PHACTR2: variants seen among roughly 807,000 people sequenced by gnomAD.
The protein encoded by PHACTR2 is phosphatase and actin regulator 2.
PHACTR2 carries 30 observed loss-of-function variants against 76.0 expected under a neutral mutation model. The ratio of observed to expected loss-of-function variants is 0.39; its 90% CI spans 0.30 to 0.54. The LOEUF (loss-of-function observed/expected upper bound fraction) is 0.54, where lower values mean the gene tolerates loss of function less well. Among genes scored for constraint, PHACTR2 ranks in the 20% least tolerant of loss-of-function variants. The pLI is 0.61. For synonymous variants in PHACTR2, 292 were observed against 292.5 expected, an observed-to-expected ratio of 1.00 and a Z score of 0.02; for missense variants, 696 against 781.1, an observed-to-expected ratio of 0.89 and a Z score of 1.30.
At chr6:143,769,225 C>T (rs968185120) in intron 6 of PHACTR2, among the ~76,000 whole-genome samples, 2 of 152,154 alleles carry the variant, frequency 1.3e-5, no homozygotes, top group African/African-American at 2.4e-5. Flanking sequence ...ATCAGTAACA[C>T]ATATGTGTGA....
In PHACTR2 at chr6:143,821,936, G is replaced by A. The variant is rs1776427222; in HGVS notation, c.1923-1738G>A. On this transcript the variant is annotated intron_variant, in intron 12 of 12. Coordinates refer to ENST00000440869, the MANE Select transcript of PHACTR2 (RefSeq NM_001100164.2). The surrounding 1 kb of genome is among the most constrained non-coding windows in gnomAD (Gnocchi z 5.2). ...GCCCAGGAGGTTGAAGCTGCAGTGA[G>A]CTGAGATCGCACCACTGCACTCCAG... is the stretch of plus-strand genomic sequence containing the variant. Among the ~76,000 whole-genome samples, 1 of 152,194 alleles carries A rather than the reference G, an allele frequency of 6.6e-6. No individual in the cohort carries two copies. Among genetic ancestry groups the A allele is most frequent in the Non-Finnish European group, 1.5e-5 (1 of 68,026 alleles).
chr6:143,714,878 G>A (rs144161226), intron 2 of PHACTR2, among the ~76,000 whole-genome samples: 2 of 151,922 alleles, frequency 1.3e-5, no homozygotes, highest in East Asian at 3.9e-4. Context: ...ATTTGATTTG[G>A]TGGGAGGTGA....
Position 143,829,955 on chromosome 6 carries a change from G to A in PHACTR2, c.*6266G>A, listed in dbSNP as rs1309975087. The A allele has an allele frequency of 6.6e-6, 1 of 152,100 alleles. No homozygotes were observed. Among genetic ancestry groups the A allele is most frequent in the African/African-American group, 2.4e-5 (1 of 41,418 alleles). 9.4% of individuals were successfully genotyped at this position (152,100 alleles called of 1,614,324 possible). ...AATTTTATGGTATATGAAAATGCCA[G>A]TAATATTTGTGCCACTTGCCAACTC... is the stretch of plus-strand genomic sequence containing the variant. On this transcript the variant is annotated 3_prime_UTR_variant, in exon 13 of 13. Coordinates refer to ENST00000440869, the MANE Select transcript of PHACTR2 (RefSeq NM_001100164.2).
intron 1 of PHACTR2, among the ~76,000 whole-genome samples, chr6:143,704,813 T>A (rs1405141941): frequency 2.6e-5 from 4 of 152,172 alleles, no homozygotes; most frequent in Admixed American, 6.6e-5. Flanking sequence ...TTGTTTTGAA[T>A]GACCTTGGCA....
chr6:143,688,960 A>G lies in PHACTR2; in HGVS notation c.46+10751A>G, dbSNP rs911519568. Among the ~76,000 whole-genome samples, 1 of 152,330 alleles carries G rather than the reference A, an allele frequency of 6.6e-6. No homozygotes were observed. The highest frequency in any genetic ancestry group is 2.4e-5 in the African/African-American group (1 of 41,582). On this transcript the variant is annotated intron_variant, in intron 1 of 12. Transcript: ENST00000440869. This position sits in a 1 kb window ranked among gnomAD's most constrained non-coding sequence, Gnocchi z 5.2. ...GGCCCTCGAGGCTCTACATGAGCCTATATGATCCCTGCCCACCTCTCTGAC... is the reference window on the plus strand; with the variant it reads ...GGCCCTCGAGGCTCTACATGAGCCTGTATGATCCCTGCCCACCTCTCTGAC...
upstream of PHACTR2, among the ~76,000 whole-genome samples, chr6:143,674,102 T>TA (rs2087559425): frequency 6.6e-6 from 1 of 152,220 alleles, no homozygotes; most frequent in Non-Finnish European, 1.5e-5. The surrounding 1 kb of genome is among the most constrained non-coding windows in gnomAD (Gnocchi z 4.9). Context: ...TCAGAATTGT[T>TA]AAAATCTAAG....
chr6:143,655,174 A>G (rs13210915), intron 1 of PHACTR2, among the ~76,000 whole-genome samples: 4 of 149,190 alleles, frequency 2.7e-5, no homozygotes, highest in Non-Finnish European at 4.5e-5. Context: ...AAAAAAAAAA[A>G]GAAAAAGAAA....
In PHACTR2 at chr6:143,583,643, T is replaced by C. The variant is rs1409105010; in HGVS notation, c.217+46436T>C. Among the ~76,000 whole-genome samples, 1 of 152,280 alleles carries C rather than the reference T, an allele frequency of 6.6e-6. No homozygotes were observed. The highest frequency in any genetic ancestry group is 6.5e-5 in the Admixed American group (1 of 15,290). ...GAGACTGTAGATATTATGTGCCTAA[T>C]ACTGTAATTTTCCCAGAACTGATAG... is the stretch of plus-strand genomic sequence containing the variant. On this transcript the variant is annotated intron_variant, in intron 1 of 11. Coordinates refer to the PHACTR2 transcript ENST00000367584. This position sits in a 1 kb window ranked among gnomAD's most constrained non-coding sequence, Gnocchi z 4.0.
At position 143,789,773 on chromosome 6, in the gene PHACTR2, A is replaced by G. The variant is rs13209221; in HGVS notation, c.1845+863A>G. Among the ~76,000 whole-genome samples, 3 of 152,178 alleles carry G rather than the reference A, an allele frequency of 2.0e-5. No homozygotes were observed. Among genetic ancestry groups the G allele is most frequent in the African/African-American group, 7.2e-5 (3 of 41,446 alleles). ...CTGACTCTTTTTAATAGGAAGCTTCATTATTTAAAATACCTGCTATGCATC... is the reference window on the plus strand; with the variant it reads ...CTGACTCTTTTTAATAGGAAGCTTCGTTATTTAAAATACCTGCTATGCATC... On this transcript the variant is annotated intron_variant, in intron 11 of 12. Coordinates refer to ENST00000440869, the MANE Select transcript of PHACTR2 (RefSeq NM_001100164.2). This position sits in a 1 kb window ranked among gnomAD's most constrained non-coding sequence, Gnocchi z 5.1.
intron 9 of PHACTR2, among the ~76,000 whole-genome samples, chr6:143,778,741 T>TA (rs971139337): frequency 6.6e-6 from 1 of 152,128 alleles, no homozygotes; most frequent in Non-Finnish European, 1.5e-5. Context: ...CCTACGCTCC[T>TA]AAAAAACACA....
rs549078456 is a variant in PHACTR2, at chr6:143,795,834, A to G, written c.1845+6924A>G. On this transcript the variant is annotated intron_variant, in intron 11 of 12. Transcript: ENST00000440869. The surrounding 1 kb of genome is among the most constrained non-coding windows in gnomAD (Gnocchi z 4.8). ...AATATCTCTAGAATTCCTGCTTGTC[A>G]ATAAATGGTAGCTATTACCAATATT... is the stretch of plus-strand genomic sequence containing the variant. Among the ~76,000 whole-genome samples, 1 of 152,358 alleles carries G rather than the reference A, an allele frequency of 6.6e-6. No homozygotes were observed. The highest frequency in any genetic ancestry group is 2.1e-4 in the South Asian group (1 of 4,834).
chr6:143,593,301 G>A (rs1367458044), intron 1 of PHACTR2, among the ~76,000 whole-genome samples: 2 of 149,460 alleles, frequency 1.3e-5, no homozygotes, highest in Non-Finnish European at 3.0e-5. Context: ...GTGTTAGGGT[G>A]ATGGAAGGTC....
In PHACTR2 at chr6:143,620,163, T is replaced by C. The variant is rs75215483; in HGVS notation, c.13+11841T>C. Among the ~76,000 whole-genome samples, 999 of 152,324 alleles carry C rather than the reference T, an allele frequency of 6.6e-3. 22 individuals carry two copies. In the East Asian group the frequency reaches 0.091, roughly 14 times the overall value. Reference sequence around the variant, plus strand: ...ACTTCGTGGAAAACCAGGAGCTCTGTAGCATACATTTAGAATAAAGCTCCA... The same window carrying C: ...ACTTCGTGGAAAACCAGGAGCTCTGCAGCATACATTTAGAATAAAGCTCCA... On this transcript the variant is annotated intron_variant, in intron 1 of 11. Transcript: ENST00000305766.
rs915822736 is a variant in PHACTR2, at chr6:143,696,626, T to C, written c.47-15390T>C. Among the ~76,000 whole-genome samples, 2 of 152,238 alleles carry C rather than the reference T, an allele frequency of 1.3e-5. No homozygotes were observed. The highest frequency in any genetic ancestry group is 2.9e-5 in the Non-Finnish European group (2 of 68,036). On this transcript the variant is annotated intron_variant, in intron 1 of 12. Coordinates refer to ENST00000440869, the MANE Select transcript of PHACTR2 (RefSeq NM_001100164.2). The surrounding 1 kb of genome is among the most constrained non-coding windows in gnomAD (Gnocchi z 4.1). Reference sequence around the variant, plus strand: ...GAACAGATTATTACATTCAGATCTTTCTGGCACTGGAAGCCCATGTTTTTC... The same window carrying C: ...GAACAGATTATTACATTCAGATCTTCCTGGCACTGGAAGCCCATGTTTTTC...
At chr6:143,814,737 G>C (rs1776262748) in intron 12 of PHACTR2, among the ~76,000 whole-genome samples, 1 of 151,644 alleles carries the variant, frequency 6.6e-6, no homozygotes, top group South Asian at 2.1e-4. Context: ...CAAATAGCTG[G>C]GACTACAGGC....
chr6:143,732,980 C>G (rs1207065972), intron 2 of PHACTR2, among the ~76,000 whole-genome samples: 1 of 152,150 alleles, frequency 6.6e-6, no homozygotes, highest in East Asian at 1.9e-4. Flanking sequence ...CCTCTAACTC[C>G]TGGGCTCAAA....
chr6:143,692,343 G>A (rs774064793), intron 1 of PHACTR2, among the ~76,000 whole-genome samples: 6 of 152,154 alleles, frequency 3.9e-5, no homozygotes, highest in Admixed American at 6.5e-5. Context: ...TGAAAGAGCC[G>A]GGTGAGAATG....
chr6:143,660,568 G>T (rs145700144), intron 1 of PHACTR2, among the ~76,000 whole-genome samples: 659 of 152,266 alleles, frequency 4.3e-3, no homozygotes, highest in Middle Eastern at 6.8e-3. Flanking sequence ...TATTGATACG[G>T]ATCAGGTTCA....
rs905256877 is a variant in PHACTR2, at chr6:143,776,147, A to C, written c.1590-1181A>C. On this transcript the variant is annotated intron_variant, in intron 8 of 12. Transcript: ENST00000440869. This position sits in a 1 kb window ranked among gnomAD's most constrained non-coding sequence, Gnocchi z 5.3. ...AAAAAATGTAAAAATAAATTTAAAAAATATATACTAAATATCTTACTATAG... is the reference window on the plus strand; with the variant it reads ...AAAAAATGTAAAAATAAATTTAAAACATATATACTAAATATCTTACTATAG... Among the ~76,000 whole-genome samples, 11 of 152,234 alleles carry C rather than the reference A, an allele frequency of 7.2e-5. No individual in the cohort carries two copies. In the South Asian group the frequency reaches 2.3e-3, roughly 32 times the overall value.
Sources: gnomAD v4.1 joint callset for allele counts (sites outside exome capture counted in the v4.1 genomes callset) on GRCh38, gnomAD v4.1.1 for gene constraint, Gnocchi (gnomAD v3.1) non-coding constraint, MANE v1.5 for transcripts, NCBI Gene and HGNC (gene_info 2026-07-23, HGNC 2026-07-21) for gene names.